The following EIF4A2 variants were observed in gnomAD, a reference collection of about 807,000 sequenced individuals.
EIF4A2 encodes eukaryotic initiation factor 4A-II.
In EIF4A2, 9 loss-of-function variants were observed where a neutral mutation model predicts 50.6. That is an observed-to-expected ratio of 0.18 (90% CI 0.11 to 0.31). The LOEUF is 0.31. EIF4A2 is among the 10% of genes least tolerant of loss of function. EIF4A2 has a pLI of 1.00. For missense variants in EIF4A2, 182 were observed against 501.8 expected (o/e 0.36, Z 6.09); for synonymous variants, 215 against 164.4 (o/e 1.31, Z -2.35).
At position 186,786,066 on chromosome 3, in the gene EIF4A2, TAAGA is replaced by T. The variant is rs543162207; in HGVS notation, c.517+16_517+19del. ...AAGATACCTTTGTAAGTATTGTCTT[TAAGA>T]GAGTATTTTTTTTAAAACTGTTAAC... On this transcript the variant is annotated intron_variant, in intron 5 of 10. Transcript: ENST00000323963. The T allele has an allele frequency of 4.3e-5, 69 of 1,601,622 alleles. No individual in the cohort carries two copies. In the African/African-American group the frequency reaches 8.2e-4, roughly 19 times the overall value.
At chr3:186,786,969 T>C in intron 7 of EIF4A2, 158 bp from the exon 8 acceptor site, 1 of 1,162,520 alleles carries the variant, frequency 8.6e-7, no homozygotes, top group Non-Finnish European at 1.2e-6. Context: ...TTTCACTTTC[T>C]TGAAACCCTG....
chr3:186,787,887 G>A lies in EIF4A2; in HGVS notation c.1079+5G>A, dbSNP rs1229526253. The A allele has an allele frequency of 1.2e-6, 2 of 1,613,480 alleles. No individual in the cohort carries two copies. Among genetic ancestry groups the A allele is most frequent in the Non-Finnish European group, 8.5e-7 (1 of 1,179,868 alleles). ...TCGTGAAAACTATATTCACAGGTGA[G>A]AAGCCAGCATCTTGGCTGTATTGAA... On this transcript the variant is annotated splice_donor_5th_base_variant and intron_variant, in intron 10 of 10. Coordinates refer to ENST00000323963, the MANE Select transcript of EIF4A2 (RefSeq NM_001967.4).
intron 3 of EIF4A2, 92 bp from the exon 4 acceptor site, chr3:186,784,870 T>C (rs1721601028): frequency 1.9e-6 from 3 of 1,608,198 alleles, no homozygotes; most frequent in East Asian, 4.5e-5. Flanking sequence ...CACTTGATTA[T>C]TTGGGCATAA....
chr3:186,783,737 G>A (rs894230602), intron 1 of EIF4A2, 98 bp downstream of exon 1: 19 of 1,588,342 alleles, frequency 1.2e-5, no homozygotes, highest in Non-Finnish European at 1.6e-5. Context: ...CTAAATTAAT[G>A]GACGTTTTCT....
At chr3:186,786,766 AAAGT>A (rs778952832) in intron 7 of EIF4A2, 121 bp downstream of exon 7, 1 of 1,326,690 alleles carries the variant, frequency 7.5e-7, no homozygotes, top group South Asian at 1.2e-5. Flanking sequence ...CACAAGAAGA[AAAGT>A]AACAGCACTA....
chr3:186,783,987 ATCCACACGAGTTGGGGGAGGG>A, intron 1 of EIF4A2: 1 of 420,820 alleles, frequency 2.4e-6, no homozygotes, highest in Non-Finnish European at 4.3e-6. Context: ...ATTTTCGGTC[ATCCACACGAGTTGGGGGAGGG>A]TCCTAGGCTT....
intron 10 of EIF4A2, 107 bp from the exon 11 acceptor site, chr3:186,789,018 A>G (rs1486868339): frequency 1.9e-5 from 28 of 1,465,586 alleles, no homozygotes; most frequent in Non-Finnish European, 2.3e-5. Context: ...AGCACGAACT[A>G]TAACCTTGAT....
At chr3:186,788,860 G>A (rs1034052823) in intron 10 of EIF4A2, 10 of 386,174 alleles carry the variant, frequency 2.6e-5, no homozygotes, top group East Asian at 2.0e-4. Context: ...CCCCAAACAC[G>A]ATACTGTCAT....
intron 4 of EIF4A2, 190 bp from the exon 5 acceptor site, chr3:186,785,693 G>T (rs1166726338): frequency 8.1e-6 from 5 of 617,068 alleles, no homozygotes; most frequent in Admixed American, 6.3e-5. Context: ...GTTTGACAAG[G>T]CATAAGAAAG....
intron 9 of EIF4A2, 48 bp downstream of exon 9, chr3:186,787,632 G>A (rs780147325): frequency 1.9e-6 from 3 of 1,611,324 alleles, no homozygotes; most frequent in Non-Finnish European, 2.5e-6. Flanking sequence ...TTAGCTTTTT[G>A]GGGGGCAGGT....
Position 186,783,599 on chromosome 3 carries a change from G to T in EIF4A2, c.-12G>T, listed in dbSNP as rs370219211. 1.2e-6 allele frequency: 2 copies of T among 1,614,054 alleles called. No individual in the cohort carries two copies. Among genetic ancestry groups the T allele is most frequent in the African/African-American group, 2.7e-5 (2 of 74,914 alleles). ...TGTCTTTTCAGTCGGGCGCTGAGTG[G>T]TTTTTCGGATCATGTCTGGTGGCTC... On this transcript the variant is annotated 5_prime_UTR_variant, in exon 1 of 11. Coordinates refer to ENST00000323963, the MANE Select transcript of EIF4A2 (RefSeq NM_001967.4).
At chr3:186,784,409 G>T in intron 1 of EIF4A2, 23 bp from the exon 2 acceptor site, 1 of 1,614,192 alleles carries the variant, frequency 6.2e-7, no homozygotes, top group South Asian at 1.1e-5. Flanking sequence ...AGGGGTGTCT[G>T]ACTGCAGTAT....
At position 186,786,067 on chromosome 3, in the gene EIF4A2, AAG is replaced by A. The variant is rs753136281; in HGVS notation, c.517+21_517+22del. 367 of 1,601,320 alleles carry A rather than the reference AAG, an allele frequency of 2.3e-4. No individual in the cohort carries two copies. Among genetic ancestry groups the A allele is most frequent in the Non-Finnish European group, 2.9e-4 (340 of 1,169,496 alleles). Reference sequence around the variant, plus strand: ...AGATACCTTTGTAAGTATTGTCTTTAAGAGAGTATTTTTTTTAAAACTGTTAA... The same window carrying A: ...AGATACCTTTGTAAGTATTGTCTTTAAGAGTATTTTTTTTAAAACTGTTAA... On this transcript the variant is annotated intron_variant, in intron 5 of 10. Coordinates refer to ENST00000323963, the MANE Select transcript of EIF4A2 (RefSeq NM_001967.4).
At position 186,787,481 on chromosome 3, in the gene EIF4A2, T is replaced by A. The variant is rs1311450455; in HGVS notation, c.910-14T>A. On this transcript the variant is annotated splice_polypyrimidine_tract_variant and intron_variant, in intron 8 of 10. Transcript: ENST00000323963. ...TGACTGGTGATTCTTGAATTAAGGT[T>A]TATTAATTTGCAGCATGGTGACATG... The A allele has an allele frequency of 6.2e-7, 1 of 1,611,790 alleles. No individual in the cohort carries two copies. Among genetic ancestry groups the A allele is most frequent in the Admixed American group, 1.7e-5 (1 of 59,736 alleles).
chr3:186,785,850 TC>T (rs766972349), intron 4 of EIF4A2, 32 bp from the exon 5 acceptor site: 3 of 1,575,672 alleles, frequency 1.9e-6, no homozygotes, highest in Non-Finnish European at 2.6e-6. Context: ...ATCCTGGAGT[TC>T]TGCGGAATAA....
intron 10 of EIF4A2, chr3:186,788,136 A>G (rs531686900): frequency 5.3e-5 from 35 of 657,178 alleles, no homozygotes; most frequent in Non-Finnish European, 7.8e-5. Context: ...GCTTTTAGTG[A>G]TGTTCTTGTG....
In EIF4A2 at chr3:186,786,491, C is replaced by T. The variant is rs929840704; in HGVS notation, c.628-11C>T. ...GTAAGTTGTGCTACAACATAATTTT[C>T]TCTTTTTAAGGTTGTGTTGCTTTCT... On this transcript the variant is annotated splice_polypyrimidine_tract_variant and intron_variant, in intron 6 of 10. Transcript: ENST00000323963. The T allele has an allele frequency of 1.2e-6, 2 of 1,609,738 alleles. No individual in the cohort carries two copies. Among genetic ancestry groups the T allele is most frequent in the African/African-American group, 2.7e-5 (2 of 74,706 alleles).
Position 186,789,378 on chromosome 3 carries a change from A to G in EIF4A2, c.*109A>G, listed in dbSNP as rs540748504. The G allele has an allele frequency of 4.2e-6, 6 of 1,427,452 alleles. No individual in the cohort carries two copies. The highest frequency in any genetic ancestry group is 2.4e-5 in the East Asian group (1 of 41,354). The allele number at this position is 1,427,452 out of a possible 1,614,324, so 88.4% of individuals were successfully genotyped here. On this transcript the variant is annotated 3_prime_UTR_variant, in exon 11 of 11. Transcript: ENST00000323963. ...ATATTTGAATCTTGTCTCAATGCTCATAACGGATCAGAAATACAGATTTTG... is the reference window on the plus strand; with the variant it reads ...ATATTTGAATCTTGTCTCAATGCTCGTAACGGATCAGAAATACAGATTTTG...
At chr3:186,784,144 C>T (rs889761846) in intron 1 of EIF4A2, 20 of 528,854 alleles carry the variant, frequency 3.8e-5, no homozygotes, top group Middle Eastern at 5.0e-4. Flanking sequence ...GTCAATCACC[C>T]GGCTTGCGCA....
Sources: gnomAD v4.1 joint callset for allele counts on GRCh38, gnomAD v4.1.1 for gene constraint, MANE v1.5 for transcripts, NCBI Gene and HGNC (gene_info 2026-07-23, HGNC 2026-07-21) for gene names.